TULP3: variants seen among roughly 807,000 people sequenced by gnomAD.
TULP3 encodes the protein TUB like protein 3.
In TULP3, 38 loss-of-function variants were observed where a neutral mutation model predicts 50.7. The observed-to-expected ratio is 0.75, with a 90% CI of 0.58 to 0.98. TULP3 has a LOEUF of 0.98. Among genes scored for constraint, TULP3 ranks in the 50% least tolerant of loss-of-function variants. The probability of loss-of-function intolerance (pLI) is 0.00; values close to 1 mark genes in which losing one functional copy is unlikely to be tolerated. For missense variants in TULP3, 550 were observed against 568.0 expected (o/e 0.97, Z 0.32); for synonymous variants, 183 against 196.6 (o/e 0.93, Z 0.58).
chr12:2,903,506 G>A (rs1191655075), intron 1 of TULP3, among the ~76,000 whole-genome samples: 2 of 150,316 alleles, frequency 1.3e-5, no homozygotes, highest in African/African-American at 2.4e-5. Flanking sequence ...AGGTTGCGGC[G>A]AGCCAAGATC....
intron 1 of TULP3, among the ~76,000 whole-genome samples, chr12:2,893,560 A>T (rs1193650157): frequency 6.6e-6 from 1 of 151,868 alleles, no homozygotes; most frequent in Non-Finnish European, 1.5e-5. Context: ...ACCTCAGGGG[A>T]TTCGCCCGCC....
chr12:2,937,305 C>T (rs554728320), intron 8 of TULP3, among the ~76,000 whole-genome samples: 134 of 140,074 alleles, frequency 9.6e-4, no homozygotes, highest in Middle Eastern at 4.2e-3. Flanking sequence ...CAGCCTCTGC[C>T]TCCTGGGTTC....
intron 1 of TULP3, among the ~76,000 whole-genome samples, chr12:2,897,202 A>G (rs10744581): frequency 0.49 from 74,370 of 151,560 alleles, 18,960 homozygotes; most frequent in African/African-American, 0.64. Context: ...TAGGGACAGG[A>G]TTTCACCATG....
At chr12:2,912,106 G>A (rs765456861) in intron 2 of TULP3, among the ~76,000 whole-genome samples, 1 of 152,150 alleles carries the variant, frequency 6.6e-6, no homozygotes, top group African/African-American at 2.4e-5. Context: ...AGCAACAAAG[G>A]CAGCACCACA....
Position 2,934,480 on chromosome 12 carries a change from T to C in TULP3, c.843T>C (p.Tyr281=), listed in dbSNP as rs774690224. 5 of 1,604,436 alleles carry C rather than the reference T, an allele frequency of 3.1e-6. No individual in the cohort carries two copies. Among genetic ancestry groups the C allele is most frequent in the Non-Finnish European group, 3.4e-6 (4 of 1,175,942 alleles). The change falls in exon 8 of 11, where the codon TAT becomes TAC. Residue 281 remains tyrosine, a synonymous_variant. Coordinates refer to ENST00000448120, the MANE Select transcript of TULP3 (RefSeq NM_003324.5). ...TCATGGGGACCAAGTTTACAGTTTA[T>C]GACCGTGGCATCTGCCCCATGAAGG... ...SNLMGTKFTV[Y]DRGICPMKGR...
rs2098203541 is a variant in TULP3, at chr12:2,939,652, CA to C, written c.*210del. On this transcript the variant is annotated 3_prime_UTR_variant, in exon 11 of 11. Transcript: ENST00000448120. This position sits in a 1 kb window ranked among gnomAD's most constrained non-coding sequence, Gnocchi z 4.0. Reference sequence around the variant, plus strand: ...ATATATAAAACACACACACGAAGAGCAATAGTTTGCCCCTTTTGGAACGACC... The same window carrying C: ...ATATATAAAACACACACACGAAGAGCATAGTTTGCCCCTTTTGGAACGACC... 1.4e-6 allele frequency: 2 copies of C among 1,390,632 alleles called. No homozygotes were observed. The allele number at this position is 1,390,632 out of a possible 1,614,324, so 86.1% of individuals were successfully genotyped here. A position where few individuals can be genotyped will look rare whatever the true frequency, so the allele number is the denominator to read the frequency against.
At chr12:2,914,954 G>A (rs2098187782) in intron 2 of TULP3, among the ~76,000 whole-genome samples, 1 of 151,054 alleles carries the variant, frequency 6.6e-6, no homozygotes, top group South Asian at 2.1e-4. Flanking sequence ...TTCAGGGTAT[G>A]TGGGCACCTT....
chr12:2,919,304 A>G (rs967803567), intron 2 of TULP3, among the ~76,000 whole-genome samples: 4 of 152,156 alleles, frequency 2.6e-5, no homozygotes, highest in African/African-American at 9.7e-5. Flanking sequence ...TGAAATCTCA[A>G]AATAATCTCC....
chr12:2,918,566 GT>G (rs2098189992), intron 2 of TULP3, among the ~76,000 whole-genome samples: 1 of 151,794 alleles, frequency 6.6e-6, no homozygotes, highest in African/African-American at 2.4e-5. Flanking sequence ...TTGAAATGGA[GT>G]TTTGCTGTTG....
In TULP3 at chr12:2,940,400, G is replaced by T. The variant is rs541548699; in HGVS notation, c.*956G>T. On this transcript the variant is annotated 3_prime_UTR_variant, in exon 11 of 11. Coordinates refer to ENST00000448120, the MANE Select transcript of TULP3 (RefSeq NM_003324.5). ...GACATGAGCACTGCTGGCCCGTGTG[G>T]CAGAGCTGTGGACTTTCTTCTCGGC... 3.8e-5 allele frequency: 55 copies of T among 1,458,738 alleles called. No homozygotes were observed. The African/African-American group carries it at 7.3e-4, about 19-fold the overall frequency. 90.4% of individuals were successfully genotyped at this position (1,458,738 alleles called of 1,614,324 possible).
rs1341349792 is a variant in TULP3, at chr12:2,920,887, A to G, written c.218A>G (p.Asn73Ser). ...RASDEQTPLV[N>S]CHTPHSNVIL... ...AGTGATGAGCAGACTCCCTTGGTGA[A>G]CTGTCATACTCCCCACAGCAATGTC... The change falls in exon 3 of 11, where the codon AAC (asparagine) becomes AGC (serine). Residue 73 changes from asparagine (N) to serine (S), a missense_variant. Coordinates refer to ENST00000448120, the MANE Select transcript of TULP3 (RefSeq NM_003324.5). The G allele has an allele frequency of 6.2e-7, 1 of 1,614,172 alleles. No individual in the cohort carries two copies. The highest frequency in any genetic ancestry group is 1.7e-5 in the Admixed American group (1 of 60,004).
intron 6 of TULP3, among the ~76,000 whole-genome samples, chr12:2,933,171 G>C (rs2098199167): frequency 6.6e-6 from 1 of 152,042 alleles, no homozygotes; most frequent in Non-Finnish European, 1.5e-5. Context: ...TCGATCTCCT[G>C]ACCTTGTGAT....
chr12:2,908,583 C>G (rs974835836), intron 1 of TULP3, among the ~76,000 whole-genome samples: 1 of 145,624 alleles, frequency 6.9e-6, no homozygotes, highest in Non-Finnish European at 1.5e-5. Flanking sequence ...GCCACCACAC[C>G]TGGCTAATTT....
chr12:2,911,406 G>A (rs1436773053), intron 2 of TULP3, among the ~76,000 whole-genome samples: 1 of 151,290 alleles, frequency 6.6e-6, no homozygotes, highest in Non-Finnish European at 1.5e-5. Context: ...AGACTGGAGT[G>A]CAGTGGCGCA....
chr12:2,932,070 C>G (rs900966985), intron 6 of TULP3, among the ~76,000 whole-genome samples: 4 of 152,264 alleles, frequency 2.6e-5, no homozygotes, highest in African/African-American at 9.6e-5. Flanking sequence ...TGGTCCTAGT[C>G]TAGGAGAGTT....
chr12:2,918,579 T>G (rs557732410), intron 2 of TULP3, among the ~76,000 whole-genome samples: 25 of 152,062 alleles, frequency 1.6e-4, no homozygotes, highest in Middle Eastern at 3.4e-3. Flanking sequence ...TTGCTGTTGT[T>G]GCACAGGCTG....
intron 6 of TULP3, among the ~76,000 whole-genome samples, chr12:2,931,815 TTGAG>T (rs1208630734): frequency 2.0e-5 from 3 of 152,190 alleles, no homozygotes; most frequent in African/African-American, 7.2e-5. Flanking sequence ...CCACCATTTA[TTGAG>T]TGTTTACGAC....
chr12:2,899,448 C>T (rs1001572836), intron 1 of TULP3, among the ~76,000 whole-genome samples: 1 of 151,944 alleles, frequency 6.6e-6, no homozygotes, highest in African/African-American at 2.4e-5. Flanking sequence ...TTTGCAGCCC[C>T]TGTGCTAAAT....
rs990765948 is a variant in TULP3, at chr12:2,915,648, G to A, written c.94-5115G>A. On this transcript the variant is annotated intron_variant, in intron 2 of 10. Coordinates refer to ENST00000448120, the MANE Select transcript of TULP3 (RefSeq NM_003324.5). ...CAACCTCCACCTCCCAGGTTCAAGCGATTCTCCTCCCTCAGCCTTCTGAGT... is the reference window on the plus strand; with the variant it reads ...CAACCTCCACCTCCCAGGTTCAAGCAATTCTCCTCCCTCAGCCTTCTGAGT... Among the ~76,000 whole-genome samples the A allele has an allele frequency of 3.3e-5, 5 of 151,492 alleles. No homozygotes were observed. The East Asian group carries it at 9.8e-4, about 30-fold the overall frequency.
Sources: allele counts gnomAD v4.1 joint callset (sites outside exome capture counted in the v4.1 genomes callset), GRCh38; gene constraint gnomAD v4.1.1; non-coding constraint Gnocchi (gnomAD v3.1); transcripts MANE v1.5; gene names NCBI Gene and HGNC (gene_info 2026-07-23, HGNC 2026-07-21).